CRAMP1: variants seen among roughly 807,000 people sequenced by gnomAD.
CRAMP1 encodes the protein protein cramped-like.
A neutral mutation model predicts 115.4 loss-of-function variants in CRAMP1; 50 were observed. The ratio of observed to expected loss-of-function variants is 0.43; its 90% CI spans 0.35 to 0.55. The LOEUF is 0.55. Ranked by LOEUF, CRAMP1 falls within the 20% of genes least tolerant of loss-of-function variation. The pLI is 0.01. For synonymous variants in CRAMP1, 866 were observed against 745.4 expected (o/e 1.16, Z -2.64); for missense variants, 1,679 against 1,721.7 (o/e 0.98, Z 0.44).
intron 5 of CRAMP1, among the ~76,000 whole-genome samples, chr16:1,639,688 G>A (rs1048278563): frequency 3.3e-5 from 5 of 152,112 alleles, no homozygotes; most frequent in African/African-American, 1.2e-4. Flanking sequence ...CTATGTAAAT[G>A]TCCGATTGCT....
At chr16:1,632,680 T>C (rs1212443685) in intron 4 of CRAMP1, among the ~76,000 whole-genome samples, 1 of 152,166 alleles carries the variant, frequency 6.6e-6, no homozygotes. Flanking sequence ...AAGCCTGTGG[T>C]CTCCACTGCA....
intron 3 of CRAMP1, among the ~76,000 whole-genome samples, chr16:1,628,011 A>G (rs1445048945): frequency 6.6e-6 from 1 of 152,106 alleles, no homozygotes; most frequent in East Asian, 1.9e-4. Context: ...GTAGCAGAGG[A>G]GGAGTTCCTT....
chr16:1,621,292 G>T (rs746122129), intron 2 of CRAMP1, among the ~76,000 whole-genome samples: 2 of 152,216 alleles, frequency 1.3e-5, no homozygotes, highest in Non-Finnish European at 2.9e-5. Context: ...CTAGGTAGAG[G>T]GGCCAGCAGC....
chr16:1,656,597 G>A lies in CRAMP1; in HGVS notation c.1840G>A (p.Gly614Ser). 6.4e-7 allele frequency: 1 copy of A among 1,570,224 alleles called. No homozygotes were observed. The highest frequency in any genetic ancestry group is 8.6e-7 in the Non-Finnish European group (1 of 1,158,640). ...GGAGGCTGCTGACCTTGCTCCCACT[G>A]GCCCATCCCCGAGGCCCGGCCCCGG... ...SKEAADLAPT[G>S]PSPRPGPGLL... The change falls in exon 10 of 21, where the codon GGC (glycine) becomes AGC (serine). Residue 614 changes from glycine to serine, a missense_variant. This residue lies in a region of CRAMP1 where 405 missense variants were observed against 302.6 expected (regional missense o/e 1.34). Coordinates refer to ENST00000397412, the MANE Select transcript of CRAMP1 (RefSeq NM_020825.4). The surrounding 1 kb of genome is among the most constrained non-coding windows in gnomAD (Gnocchi z 5.6).
chr16:1,674,211 G>A lies in CRAMP1; in HGVS notation c.*166G>A, dbSNP rs894799854. On this transcript the variant is annotated 3_prime_UTR_variant, in exon 21 of 21. Transcript: ENST00000397412. ...TTCCCCACGAGCAGCAGGCAACGGC[G>A]TCCAAGGAGACTAGGATGAGTTCTT... 2 of 661,676 alleles carry A rather than the reference G, an allele frequency of 3.0e-6. No homozygotes were observed. Among genetic ancestry groups the A allele is most frequent in the East Asian group, 2.7e-5 (1 of 36,412 alleles). 41.0% of individuals were successfully genotyped at this position (661,676 alleles called of 1,614,324 possible). A position where few individuals can be genotyped will look rare whatever the true frequency, so the allele number is the denominator to read the frequency against.
In CRAMP1 at chr16:1,671,269, T is replaced by C. The variant is rs543398174; in HGVS notation, c.3645+460T>C. 3.9e-5 allele frequency among the ~76,000 whole-genome samples: 6 copies of C among 152,264 alleles called. No individual in the cohort carries two copies. Among genetic ancestry groups the C allele is most frequent in the African/African-American group, 1.4e-4 (6 of 41,552 alleles). On this transcript the variant is annotated intron_variant, in intron 20 of 20. Transcript: ENST00000397412. This position sits in a 1 kb window ranked among gnomAD's most constrained non-coding sequence, Gnocchi z 5.0. ...ATCTCCCTGTCATGTTGAGCTGCGG[T>C]GCAGGGGAACTGGGATGGGCTCTGC...
At position 1,655,837 on chromosome 16, in the gene CRAMP1, CAG is replaced by C. The variant is rs768219884; in HGVS notation, c.1120-39_1120-38del. On this transcript the variant is annotated intron_variant, in intron 9 of 20. Coordinates refer to ENST00000397412, the MANE Select transcript of CRAMP1 (RefSeq NM_020825.4). ...ATGTGCCTGGTCAGCATCCCGACCT[CAG>C]TGCTAGCCAGTGTGGGCCTTCCTTG... 142 of 1,572,612 alleles carry C rather than the reference CAG, an allele frequency of 9.0e-5. No homozygotes were observed. The East Asian group carries it at 2.9e-3, about 32-fold the overall frequency.
intron 2 of CRAMP1, 89 bp from the exon 3 acceptor site, chr16:1,625,884 C>CA: frequency 7.7e-7 from 1 of 1,300,020 alleles, no homozygotes; most frequent in Non-Finnish European, 1.1e-6. Flanking sequence ...GACCTCAGGG[C>CA]AGTGGGCCCT....
Position 1,669,448 on chromosome 16 carries a change from G to T in CRAMP1, c.3499+283G>T, listed in dbSNP as rs995379238. 3.3e-5 allele frequency among the ~76,000 whole-genome samples: 5 copies of T among 152,180 alleles called. No individual in the cohort carries two copies. The highest frequency in any genetic ancestry group is 5.9e-5 in the Non-Finnish European group (4 of 68,032). ...AACATTCCCGTGACCCCAGATGCTG[G>T]GTTCTGTGTGCCTTCCCAGTCTGTT... On this transcript the variant is annotated intron_variant, in intron 19 of 20. Transcript: ENST00000397412. This position sits in a 1 kb window ranked among gnomAD's most constrained non-coding sequence, Gnocchi z 4.6.
intron 2 of CRAMP1, among the ~76,000 whole-genome samples, chr16:1,622,429 C>T (rs917646964): frequency 2.0e-5 from 3 of 152,230 alleles, no homozygotes; most frequent in African/African-American, 7.2e-5. Context: ...CCGGAATTGA[C>T]TGCCTGGGAG....
At chr16:1,638,899 A>C (rs2036610113) in intron 5 of CRAMP1, among the ~76,000 whole-genome samples, 1 of 151,126 alleles carries the variant, frequency 6.6e-6, no homozygotes, top group Admixed American at 6.6e-5. Flanking sequence ...GCCCTCCTGC[A>C]CTTCCCCACT....
chr16:1,638,404 C>T (rs910621606), intron 5 of CRAMP1, among the ~76,000 whole-genome samples: 1 of 152,164 alleles, frequency 6.6e-6, no homozygotes, highest in Non-Finnish European at 1.5e-5. Flanking sequence ...TGGAGTCTCC[C>T]TTGGGTGTCT....
At chr16:1,643,567 C>T (rs1465727496) in intron 6 of CRAMP1, among the ~76,000 whole-genome samples, 1 of 151,772 alleles carries the variant, frequency 6.6e-6, no homozygotes, top group African/African-American at 2.4e-5. Flanking sequence ...AAAAAACCCT[C>T]AGGTGGTTCT....
chr16:1,642,860 G>T (rs1377554246), intron 6 of CRAMP1, among the ~76,000 whole-genome samples: 1 of 152,254 alleles, frequency 6.6e-6, no homozygotes, highest in African/African-American at 2.4e-5. Context: ...GGTGCACAGA[G>T]TGGCCTGTCC....
chr16:1,666,193 C>A lies in CRAMP1; in HGVS notation c.2857+16C>A, dbSNP rs2036874498. 1 of 1,543,422 alleles carries A rather than the reference C, an allele frequency of 6.5e-7. No individual in the cohort carries two copies. Among genetic ancestry groups the A allele is most frequent in the Non-Finnish European group, 8.9e-7 (1 of 1,123,794 alleles). ...CACCTGGCCAGTAAGTCTGTACCTGCATGGCCACAGCCACTGAGTGAGCCT... is the reference window on the plus strand; with the variant it reads ...CACCTGGCCAGTAAGTCTGTACCTGAATGGCCACAGCCACTGAGTGAGCCT... On this transcript the variant is annotated intron_variant, in intron 15 of 20. Transcript: ENST00000397412. The surrounding 1 kb of genome is among the most constrained non-coding windows in gnomAD (Gnocchi z 5.0).
chr16:1,619,598 T>C (rs547637839), intron 2 of CRAMP1, among the ~76,000 whole-genome samples: 17 of 152,302 alleles, frequency 1.1e-4, no homozygotes, highest in African/African-American at 4.1e-4. Flanking sequence ...AATTAGAAAA[T>C]CTGCTGGTAT....
rs1331952108 is a variant in CRAMP1, at chr16:1,672,084, G to T, written c.3645+1275G>T. 1.3e-5 allele frequency among the ~76,000 whole-genome samples: 2 copies of T among 152,192 alleles called. No individual in the cohort carries two copies. The highest frequency in any genetic ancestry group is 2.9e-5 in the Non-Finnish European group (2 of 68,042). On this transcript the variant is annotated intron_variant, in intron 20 of 20. Coordinates refer to ENST00000397412, the MANE Select transcript of CRAMP1 (RefSeq NM_020825.4). The surrounding 1 kb of genome is among the most constrained non-coding windows in gnomAD (Gnocchi z 4.9). The stretch of plus-strand genomic sequence containing the variant: ...CTGTGGAGATGGGCGCTGCGTACGT[G>T]CCCTGAGGCAGCATGCTCACGCCAT...
intron 10 of CRAMP1, among the ~76,000 whole-genome samples, chr16:1,658,131 G>A (rs1331989667): frequency 1.3e-5 from 2 of 152,336 alleles, no homozygotes; most frequent in Admixed American, 6.5e-5. Context: ...GCCCCGGAGA[G>A]TTGGTCCATC....
At position 1,669,572 on chromosome 16, in the gene CRAMP1, G is replaced by C. The variant is rs1219425470; in HGVS notation, c.3499+407G>C. Reference sequence around the variant, plus strand: ...GCTCTTCTCTTTCTGTGGTCAGTAAGGTATTCAGAAGTGGATGGTCCAGCT... The same window carrying C: ...GCTCTTCTCTTTCTGTGGTCAGTAACGTATTCAGAAGTGGATGGTCCAGCT... On this transcript the variant is annotated intron_variant, in intron 19 of 20. Transcript: ENST00000397412. This position sits in a 1 kb window ranked among gnomAD's most constrained non-coding sequence, Gnocchi z 4.6. 6.6e-6 allele frequency among the ~76,000 whole-genome samples: 1 copy of C among 152,188 alleles called. No individual in the cohort carries two copies. The highest frequency in any genetic ancestry group is 1.5e-5 in the Non-Finnish European group (1 of 68,036).
Sources: gnomAD v4.1 joint callset for allele counts (sites outside exome capture counted in the v4.1 genomes callset) on GRCh38, gnomAD v4.1.1 for gene constraint, gnomAD v4.1.1 regional missense constraint, Gnocchi (gnomAD v3.1) non-coding constraint, MANE v1.5 for transcripts, NCBI Gene and HGNC (gene_info 2026-07-23, HGNC 2026-07-21) for gene names.